NMNAT3: variants seen among roughly 807,000 people sequenced by gnomAD.
The protein encoded by NMNAT3 is nicotinamide nucleotide adenylyltransferase 3.
In NMNAT3, 21 loss-of-function variants were observed where a neutral mutation model predicts 24.8. The observed-to-expected ratio is 0.85, with a 90% CI of 0.60 to 1.22. The LOEUF (loss-of-function observed/expected upper bound fraction) is 1.22, where lower values mean the gene tolerates loss of function less well. Among genes scored for constraint, NMNAT3 ranks in the 50% most tolerant of loss-of-function variants. The pLI is 0.00. For synonymous variants in NMNAT3, 136 were observed against 155.2 expected (o/e 0.88, Z 0.92); for missense variants, 387 against 436.6 (o/e 0.89, Z 1.01).
chr3:139,581,962 G>C (rs1320347603), intron 4 of NMNAT3, among the ~76,000 whole-genome samples: 1 of 150,086 alleles, frequency 6.7e-6, no homozygotes, highest in Non-Finnish European at 1.5e-5. Context: ...TGGGAGGCCG[G>C]GGTGGGGGGA....
intron 3 of NMNAT3, among the ~76,000 whole-genome samples, chr3:139,596,964 A>ATATATATATTT (rs1405063694): frequency 9.2e-6 from 1 of 108,540 alleles, no homozygotes; most frequent in Admixed American, 9.4e-5. Flanking sequence ...ATATATATAT[A>ATATATATATTT]TTTTTATTAC....
intron 2 of NMNAT3, among the ~76,000 whole-genome samples, chr3:139,632,590 A>G (rs1179816570): frequency 6.6e-6 from 1 of 152,254 alleles, no homozygotes; most frequent in African/African-American, 2.4e-5. Flanking sequence ...ACTGCCATCT[A>G]CTCAGTGGAC....
At chr3:139,611,910 G>A (rs922607492) in intron 3 of NMNAT3, among the ~76,000 whole-genome samples, 10 of 152,352 alleles carry the variant, frequency 6.6e-5, no homozygotes, top group Admixed American at 5.2e-4. Context: ...GCTTACGCCT[G>A]TAATCCCAGC....
chr3:139,627,819 G>T (rs1309318783), intron 2 of NMNAT3, 55 bp from the exon 4 acceptor site: 3 of 632,708 alleles, frequency 4.7e-6, no homozygotes, highest in East Asian at 2.8e-5. Flanking sequence ...CAATTATCCA[G>T]ATCAGTCTCT....
Position 139,611,138 on chromosome 3 carries a change from G to A in NMNAT3, c.109+16478C>T, listed in dbSNP as rs200369000. Among the ~76,000 whole-genome samples, 27 of 152,252 alleles carry A rather than the reference G, an allele frequency of 1.8e-4. No homozygotes were observed. In the East Asian group the frequency reaches 4.1e-3, roughly 23 times the overall value. Reference sequence around the variant, plus strand: ...TGCCACAAGCACGTGGGGCAGGATCGTTAGGAAATAACATCATAAAGAATC... The same window carrying A: ...TGCCACAAGCACGTGGGGCAGGATCATTAGGAAATAACATCATAAAGAATC... On this transcript the variant is annotated intron_variant, in intron 3 of 6. Coordinates refer to ENST00000643695, the MANE Select transcript of NMNAT3 (RefSeq NM_001320510.2).
intron 1 of NMNAT3, among the ~76,000 whole-genome samples, chr3:139,672,414 A>G (rs982256474): frequency 2.0e-5 from 3 of 152,178 alleles, no homozygotes; most frequent in African/African-American, 7.2e-5. Context: ...CTTTTCATAA[A>G]TATCCACCAC....
intron 1 of NMNAT3, among the ~76,000 whole-genome samples, chr3:139,643,708 C>T (rs1030951782): frequency 6.6e-6 from 1 of 151,772 alleles, no homozygotes; most frequent in African/African-American, 2.4e-5. Context: ...AGTAGAATGG[C>T]GGTGCCGGGG....
At chr3:139,573,330 T>C (rs1938726945) in intron 6 of NMNAT3, among the ~76,000 whole-genome samples, 1 of 152,170 alleles carries the variant, frequency 6.6e-6, no homozygotes, top group African/African-American at 2.4e-5. Context: ...ATAATCCATG[T>C]CATTAGAACA....
intron 1 of NMNAT3, among the ~76,000 whole-genome samples, chr3:139,643,070 C>T (rs2056759050): frequency 6.6e-6 from 1 of 152,182 alleles, no homozygotes; most frequent in Non-Finnish European, 1.5e-5. Context: ...CTTGAGTAGA[C>T]ATTTCTTTAA....
At chr3:139,561,627 A>T (rs1384353339) in intron 6 of NMNAT3, among the ~76,000 whole-genome samples, 2 of 152,214 alleles carry the variant, frequency 1.3e-5, no homozygotes, top group African/African-American at 4.8e-5. Flanking sequence ...AAAAGTGCCA[A>T]GGAATACGAT....
At position 139,609,130 on chromosome 3, in the gene NMNAT3, C is replaced by T. The variant is rs144896324; in HGVS notation, c.109+18486G>A. Among the ~76,000 whole-genome samples the T allele has an allele frequency of 5.6e-3, 860 of 152,246 alleles. 13 individuals carry two copies. The highest frequency in any genetic ancestry group is 0.019 in the African/African-American group (801 of 41,554). On this transcript the variant is annotated intron_variant, in intron 3 of 6. Transcript: ENST00000643695. Reference sequence around the variant, plus strand: ...ATGGATGTATCACAGTTTAATTATTCGCCCCTTGAAGGACATTTGGGTGGT... The same window carrying T: ...ATGGATGTATCACAGTTTAATTATTTGCCCCTTGAAGGACATTTGGGTGGT...
In NMNAT3 at chr3:139,583,002, T is replaced by C; in HGVS notation, c.316A>G (p.Thr106Ala). 3 of 1,602,118 alleles carry C rather than the reference T, an allele frequency of 1.9e-6. No individual in the cohort carries two copies. Among genetic ancestry groups the C allele is most frequent in the Non-Finnish European group, 2.6e-6 (3 of 1,174,792 alleles). Reference sequence around the variant, plus strand: ...TCTATAAATATAATTTTTTTCAGTGTTGTGCCTTTGCACTTGCTGTCATTC... The same window carrying C: ...TCTATAAATATAATTTTTTTCAGTGCTGTGCCTTTGCACTTGCTGTCATTC... Residue 106 changes from threonine (T) to alanine (A), a missense_variant, in exon 4 of 7, where the codon ACA becomes GCA. Physicochemically the swap from Thr to Ala is moderately conservative, Grantham distance 58. This residue lies in a region of NMNAT3 where 323 missense variants were observed against 345.2 expected (regional missense o/e 0.94). Coordinates refer to ENST00000643695, the MANE Select transcript of NMNAT3 (RefSeq NM_001320510.2).
intron 1 of NMNAT3, among the ~76,000 whole-genome samples, chr3:139,654,048 G>A (rs1673517655): frequency 6.6e-6 from 1 of 152,108 alleles, no homozygotes; most frequent in Admixed American, 6.6e-5. Context: ...GTCTTACACT[G>A]GGACAGCTCC....
intron 3 of NMNAT3, among the ~76,000 whole-genome samples, chr3:139,605,333 T>C (rs1418246900): frequency 6.6e-6 from 1 of 152,206 alleles, no homozygotes; most frequent in African/African-American, 2.4e-5. Flanking sequence ...ATTCTACATA[T>C]ATGGACAGGC....
At chr3:139,593,502 A>T (rs1278831969) in intron 3 of NMNAT3, among the ~76,000 whole-genome samples, 1 of 152,178 alleles carries the variant, frequency 6.6e-6, no homozygotes, top group Non-Finnish European at 1.5e-5. Context: ...AATCAACAGA[A>T]TATACATTTT....
chr3:139,659,350 C>T (rs1196284507), intron 1 of NMNAT3, among the ~76,000 whole-genome samples: 1 of 152,166 alleles, frequency 6.6e-6, no homozygotes, highest in Non-Finnish European at 1.5e-5. Context: ...ATTTTATCAC[C>T]TTTGTGATAG....
chr3:139,575,725 T>C (rs780575758), intron 5 of NMNAT3: 8 of 1,095,126 alleles, frequency 7.3e-6, no homozygotes, highest in African/African-American at 1.7e-5. Flanking sequence ...CATTAACTGC[T>C]TCTTGCTGCC....
intron 3 of NMNAT3, among the ~76,000 whole-genome samples, chr3:139,613,746 C>T (rs1219664115): frequency 6.6e-6 from 1 of 152,034 alleles, no homozygotes; most frequent in Non-Finnish European, 1.5e-5. Context: ...AAATGTCCAA[C>T]AATGATAGAC....
In NMNAT3 at chr3:139,593,112, A is replaced by G. The variant is rs570742716; in HGVS notation, c.110-9904T>C. On this transcript the variant is annotated intron_variant, in intron 3 of 6. Transcript: ENST00000643695. ...GAGACACACATAGGCTCAAAATAAA[A>G]GGATGGAGGAAGATCTACCAAGCAA... Among the ~76,000 whole-genome samples the G allele has an allele frequency of 6.5e-4, 99 of 152,236 alleles. 2 individuals carry two copies. The highest frequency in any genetic ancestry group is 2.1e-3 in the African/African-American group (89 of 41,558).
Sources: allele counts gnomAD v4.1 joint callset (sites outside exome capture counted in the v4.1 genomes callset), GRCh38; gene constraint gnomAD v4.1.1; regional missense constraint gnomAD v4.1.1; transcripts MANE v1.5; gene names NCBI Gene and HGNC (gene_info 2026-07-23, HGNC 2026-07-21).